The following HMBOX1 variants were observed in gnomAD, a reference collection of about 807,000 sequenced individuals.
HMBOX1 encodes the protein homeobox containing 1.
In HMBOX1, 14 loss-of-function variants were observed where a neutral mutation model predicts 54.5. That is an observed-to-expected ratio of 0.26 (90% CI 0.17 to 0.40). The LOEUF (loss-of-function observed/expected upper bound fraction) is 0.40, where lower values mean the gene tolerates loss of function less well. Ranked by LOEUF, HMBOX1 falls within the 10% of genes least tolerant of loss-of-function variation. The pLI is 1.00. For missense variants in HMBOX1, 332 were observed against 514.4 expected (o/e 0.65, Z 3.43); for synonymous variants, 160 against 181.0 (o/e 0.88, Z 0.93).
chr8:29,032,095 G>A (rs1454615816), intron 6 of HMBOX1, among the ~76,000 whole-genome samples: 3 of 152,180 alleles, frequency 2.0e-5, no homozygotes, highest in African/African-American at 7.2e-5. Flanking sequence ...CTTACATTGC[G>A]ACATTTGCAA....
chr8:28,961,201 T>C (rs1405626773), intron 1 of HMBOX1, among the ~76,000 whole-genome samples: 4 of 152,194 alleles, frequency 2.6e-5, no homozygotes, highest in Non-Finnish European at 2.9e-5. Context: ...TATAATGTTC[T>C]ACTTTTTTAT....
rs1216432809 is a variant in HMBOX1 at position 28,970,981 on chromosome 8, G to C, written c.500+462G>C. ...ATAGGTTCTAATTTTAGCAATAGAT[G>C]ACACACACACACACACACACACACA... On this transcript the variant is annotated intron_variant, in intron 3 of 9. Transcript: ENST00000287701. The surrounding 1 kb of genome is among the most constrained non-coding windows in gnomAD (Gnocchi z 4.3). 1.3e-4 allele frequency among the ~76,000 whole-genome samples: 17 copies of C among 132,046 alleles called. No individual in the cohort carries two copies. Among genetic ancestry groups the C allele is most frequent in the Middle Eastern group, 3.7e-3 (1 of 270 alleles). 86.6% of individuals were successfully genotyped at this position (132,046 alleles called of 152,430 possible).
At chr8:28,891,035 T>A (rs1810802923) in intron 1 of HMBOX1, 3 of 152,802 alleles carry the variant, frequency 2.0e-5, no homozygotes, top group Admixed American at 1.3e-4. Flanking sequence ...TTGGTTTGTT[T>A]GGGGTGTGTA....
At chr8:29,004,886 A>G (rs529219020) in intron 4 of HMBOX1, among the ~76,000 whole-genome samples, 175 of 152,318 alleles carry the variant, frequency 1.1e-3, no homozygotes, top group African/African-American at 3.9e-3. Context: ...AGCAGCTCAA[A>G]GCATGAGTTC....
chr8:29,016,347 CATTCTT>C (rs1834997183), intron 5 of HMBOX1, among the ~76,000 whole-genome samples: 2 of 152,100 alleles, frequency 1.3e-5, no homozygotes, highest in Admixed American at 6.5e-5. Flanking sequence ...AAAAGATGCT[CATTCTT>C]ATTAGTAGTG....
intron 1 of HMBOX1, among the ~76,000 whole-genome samples, chr8:28,930,078 G>T (rs1208822584): frequency 2.0e-5 from 3 of 152,044 alleles, no homozygotes; most frequent in African/African-American, 7.2e-5. Context: ...GTGATGGTGG[G>T]CATAGAAGAC....
intron 1 of HMBOX1, among the ~76,000 whole-genome samples, chr8:28,951,553 A>G (rs1187207313): frequency 6.6e-6 from 1 of 152,220 alleles, no homozygotes; most frequent in Non-Finnish European, 1.5e-5. Flanking sequence ...GTTTAACAAC[A>G]ACAACAACAA....
In HMBOX1 at chr8:29,051,828, TTAG is replaced by T. The variant is rs976885973; in HGVS notation, c.*677_*679del. On this transcript the variant is annotated 3_prime_UTR_variant, in exon 10 of 10. Transcript: ENST00000287701. The stretch of plus-strand genomic sequence containing the variant: ...CCTTTCCTCTCACAAGCTGTGTGAC[TTAG>T]TAGATAAAATACTGCCTTCTGCCTT... The T allele has an allele frequency of 9.5e-5, 42 of 439,990 alleles. No individual in the cohort carries two copies. Among genetic ancestry groups the T allele is most frequent in the Middle Eastern group, 5.7e-4 (1 of 1,744 alleles). The allele number at this position is 439,990 out of a possible 1,614,324, so 27.3% of individuals were successfully genotyped here.
intron 2 of HMBOX1, among the ~76,000 whole-genome samples, chr8:28,969,500 T>G (rs567702338): frequency 2.0e-5 from 3 of 151,432 alleles, no homozygotes; most frequent in African/African-American, 4.8e-5. Context: ...TCCACTTAAG[T>G]ATTTTTGCTG....
At chr8:28,921,377 A>G (rs970706987) in intron 1 of HMBOX1, among the ~76,000 whole-genome samples, 3 of 152,186 alleles carry the variant, frequency 2.0e-5, no homozygotes, top group Non-Finnish European at 4.4e-5. Context: ...ACGTTTGACC[A>G]TCACTTGATA....
intron 6 of HMBOX1, among the ~76,000 whole-genome samples, chr8:29,020,760 A>G (rs941868259): frequency 1.3e-5 from 2 of 152,230 alleles, no homozygotes; most frequent in Non-Finnish European, 2.9e-5. Flanking sequence ...GTTATCCAAA[A>G]TGACATATAA....
At chr8:29,012,467 A>G (rs1834345729) in intron 5 of HMBOX1, among the ~76,000 whole-genome samples, 1 of 152,244 alleles carries the variant, frequency 6.6e-6, no homozygotes, top group Admixed American at 6.5e-5. Context: ...AATTAAATTT[A>G]TATGAGGTGA....
intron 1 of HMBOX1, among the ~76,000 whole-genome samples, chr8:28,923,991 T>C (rs924898341): frequency 6.6e-6 from 1 of 152,186 alleles, no homozygotes; most frequent in Non-Finnish European, 1.5e-5. Context: ...AGTTTAGTAG[T>C]TCTTAATATA....
At chr8:28,995,633 T>TA (rs2132655912) in intron 4 of HMBOX1, among the ~76,000 whole-genome samples, 1 of 152,350 alleles carries the variant, frequency 6.6e-6, no homozygotes, top group East Asian at 1.9e-4. Context: ...TTTCTTCACA[T>TA]ACTCACCAAC....
chr8:28,942,174 T>A (rs1477668311), intron 1 of HMBOX1, among the ~76,000 whole-genome samples: 7 of 152,194 alleles, frequency 4.6e-5, no homozygotes, highest in African/African-American at 1.7e-4. Flanking sequence ...AGGAGCCAGA[T>A]GGAAAAAGAC....
chr8:28,998,380 T>C (rs1476083860), intron 4 of HMBOX1, among the ~76,000 whole-genome samples: 1 of 152,192 alleles, frequency 6.6e-6, no homozygotes, highest in African/African-American at 2.4e-5. Flanking sequence ...TCCTCGTTAA[T>C]TGAGCCTTTT....
intron 4 of HMBOX1, among the ~76,000 whole-genome samples, chr8:28,999,082 T>G (rs566566933): frequency 1.5e-4 from 23 of 152,186 alleles, no homozygotes; most frequent in Non-Finnish European, 2.9e-4. Context: ...ACTGTCACTC[T>G]TATTTCTTCA....
chr8:29,044,721 C>T (rs967601535), intron 6 of HMBOX1, among the ~76,000 whole-genome samples: 2 of 152,026 alleles, frequency 1.3e-5, no homozygotes, highest in African/African-American at 4.8e-5. Context: ...ATGGTGTTTT[C>T]AATATTATTC....
intron 1 of HMBOX1, among the ~76,000 whole-genome samples, chr8:28,950,511 G>A (rs1823224206): frequency 6.6e-6 from 1 of 152,214 alleles, no homozygotes; most frequent in African/African-American, 2.4e-5. Flanking sequence ...AATGCTAAAT[G>A]TAGTATATTG....
Sources: gnomAD v4.1 joint callset for allele counts (sites outside exome capture counted in the v4.1 genomes callset) on GRCh38, gnomAD v4.1.1 for gene constraint, Gnocchi (gnomAD v3.1) non-coding constraint, MANE v1.5 for transcripts, NCBI Gene and HGNC (gene_info 2026-07-23, HGNC 2026-07-21) for gene names.